The following MACROD2 variants were observed in gnomAD, a reference collection of about 807,000 sequenced individuals.
MACROD2 encodes mono-ADP ribosylhydrolase 2.
In MACROD2, 36 loss-of-function variants were observed where a neutral mutation model predicts 70.4. That is an observed-to-expected ratio of 0.51 (90% CI 0.39 to 0.68). The LOEUF (loss-of-function observed/expected upper bound fraction) is 0.68, where lower values mean the gene tolerates loss of function less well. MACROD2 is among the 30% of genes least tolerant of loss of function. The pLI is 0.00. For missense variants in MACROD2, 496 were observed against 538.4 expected (o/e 0.92, Z 0.78); for synonymous variants, 172 against 178.8 (o/e 0.96, Z 0.30).
At chr20:14,757,833 C>G in intron 5 of MACROD2, 1 of 1,524,946 alleles carries the variant, frequency 6.6e-7, no homozygotes, top group Non-Finnish European at 9.1e-7. Flanking sequence ...ATTGTGCCTG[C>G]CACTCTATGC....
intron 5 of MACROD2, among the ~76,000 whole-genome samples, chr20:14,955,150 T>C (rs1281939939): frequency 9.6e-6 from 1 of 103,664 alleles, no homozygotes; most frequent in Admixed American, 1.1e-4. Flanking sequence ...AATTATATTA[T>C]ATGTACTTTA....
intron 6 of MACROD2, among the ~76,000 whole-genome samples, chr20:15,413,538 A>G (rs574816750): frequency 6.6e-6 from 1 of 152,290 alleles, no homozygotes; most frequent in South Asian, 2.1e-4. Context: ...ACTTCCCCTC[A>G]GTTAGAAACT....
chr20:15,756,504 A>G (rs1243518842), intron 8 of MACROD2, among the ~76,000 whole-genome samples: 2 of 152,312 alleles, frequency 1.3e-5, no homozygotes, highest in East Asian at 3.9e-4. Context: ...TGCAGCATCT[A>G]GAGCCACACA....
intron 8 of MACROD2, among the ~76,000 whole-genome samples, chr20:15,532,688 C>G (rs2047820291): frequency 7.1e-6 from 1 of 141,712 alleles, no homozygotes; most frequent in Non-Finnish European, 1.5e-5. Flanking sequence ...ACACAGAATG[C>G]TACAAACACA....
chr20:14,320,359 C>A (rs1177608471), intron 3 of MACROD2, among the ~76,000 whole-genome samples: 1 of 152,184 alleles, frequency 6.6e-6, no homozygotes, highest in Non-Finnish European at 1.5e-5. Context: ...TGAAATACTG[C>A]ATAGCCGTCT....
intron 3 of MACROD2, among the ~76,000 whole-genome samples, chr20:14,299,380 G>A (rs964390009): frequency 6.6e-6 from 1 of 151,992 alleles, no homozygotes; most frequent in Non-Finnish European, 1.5e-5. Flanking sequence ...TAGTATAAAC[G>A]TTAACTTTTA....
intron 6 of MACROD2, among the ~76,000 whole-genome samples, chr20:15,300,038 G>A (rs897625285): frequency 2.6e-5 from 4 of 152,130 alleles, no homozygotes; most frequent in African/African-American, 7.2e-5. Context: ...TTCACTTGAC[G>A]TAGTCCATGA....
chr20:15,561,752 T>A (rs1170901203), intron 8 of MACROD2, among the ~76,000 whole-genome samples: 1 of 152,130 alleles, frequency 6.6e-6, no homozygotes, highest in Non-Finnish European at 1.5e-5. Context: ...TATACTGGGG[T>A]GAAAAGCTGC....
rs141641248 is a variant in MACROD2, at chr20:16,024,530, G to GACACAC, written c.1154-16661_1154-16656dup. The stretch of plus-strand genomic sequence containing the variant: ...ACACACACAGACACACACACACACA[G>GACACAC]ACACACACACACACATGCCAACTAC... On this transcript the variant is annotated intron_variant, in intron 15 of 17. Coordinates refer to ENST00000684519, the MANE Select transcript of MACROD2 (RefSeq NM_001351661.2). Among the ~76,000 whole-genome samples, 9 of 150,400 alleles carry GACACAC rather than the reference G, an allele frequency of 6.0e-5. No individual in the cohort carries two copies. The South Asian group carries it at 1.5e-3, about 25-fold the overall frequency.
intron 6 of MACROD2, among the ~76,000 whole-genome samples, chr20:15,427,021 T>C (rs1457207316): frequency 6.9e-6 from 1 of 144,736 alleles, no homozygotes; most frequent in Non-Finnish European, 1.5e-5. Flanking sequence ...TCTCTGTCTG[T>C]CTGTCTCTCT....
At chr20:14,062,951 A>G (rs1337546985) in intron 2 of MACROD2, among the ~76,000 whole-genome samples, 1 of 152,168 alleles carries the variant, frequency 6.6e-6, no homozygotes, top group African/African-American at 2.4e-5. Context: ...GTCTGAAGCC[A>G]CATTTGTTTG....
intron 5 of MACROD2, among the ~76,000 whole-genome samples, chr20:15,002,390 C>CT (rs1298600491): frequency 2.6e-5 from 4 of 151,956 alleles, no homozygotes; most frequent in African/African-American, 7.2e-5. Context: ...TTTTTCATAT[C>CT]TTTTTTGGCC....
Position 15,790,300 on chromosome 20 carries a change from A to G in MACROD2, c.646-72445A>G, listed in dbSNP as rs1239239754. 3.3e-5 allele frequency among the ~76,000 whole-genome samples: 5 copies of G among 151,942 alleles called. No homozygotes were observed. The East Asian group carries it at 9.6e-4, about 29-fold the overall frequency. Reference sequence around the variant, plus strand: ...ATTCAGCATCAAGTTAAATGATAAAAATTTTGAATTTTTACATTCTTATTA... The same window carrying G: ...ATTCAGCATCAAGTTAAATGATAAAGATTTTGAATTTTTACATTCTTATTA... On this transcript the variant is annotated intron_variant, in intron 8 of 17. Coordinates refer to ENST00000684519, the MANE Select transcript of MACROD2 (RefSeq NM_001351661.2).
intron 4 of MACROD2, among the ~76,000 whole-genome samples, chr20:14,507,722 A>G (rs118029446): frequency 0.011 from 1,614 of 152,330 alleles, 11 homozygotes; most frequent in Middle Eastern, 0.054. Flanking sequence ...CAATGAATCA[A>G]TAGATTCTCC....
At chr20:14,404,181 C>T (rs2083668053) in intron 3 of MACROD2, among the ~76,000 whole-genome samples, 1 of 152,000 alleles carries the variant, frequency 6.6e-6, no homozygotes, top group African/African-American at 2.4e-5. Context: ...GATTAAGGTA[C>T]ATTAAATATA....
chr20:15,206,919 G>A (rs1284990223), intron 5 of MACROD2, among the ~76,000 whole-genome samples: 2 of 150,086 alleles, frequency 1.3e-5, no homozygotes, highest in Non-Finnish European at 3.0e-5. Context: ...TGTATTTTTA[G>A]TAGAGACGGG....
chr20:14,612,155 A>G (rs1245774384), intron 4 of MACROD2, among the ~76,000 whole-genome samples: 1 of 152,184 alleles, frequency 6.6e-6, no homozygotes, highest in East Asian at 1.9e-4. Context: ...TTTAAGCACC[A>G]AAGGGAAACA....
chr20:14,749,430 AAAGG>A (rs747062136), intron 5 of MACROD2, among the ~76,000 whole-genome samples: 24 of 152,108 alleles, frequency 1.6e-4, no homozygotes, highest in South Asian at 4.1e-4. Flanking sequence ...GAAAAAAAGA[AAAGG>A]AAGGAAGGAA....
chr20:15,627,397 A>G (rs2049220117), intron 8 of MACROD2, among the ~76,000 whole-genome samples: 1 of 152,152 alleles, frequency 6.6e-6, no homozygotes, highest in South Asian at 2.1e-4. Context: ...CGGTAAAGAA[A>G]GAGTTTAATT....
Sources: gnomAD v4.1 joint callset for allele counts (sites outside exome capture counted in the v4.1 genomes callset) on GRCh38, gnomAD v4.1.1 for gene constraint, MANE v1.5 for transcripts, NCBI Gene and HGNC (gene_info 2026-07-23, HGNC 2026-07-21) for gene names.